The following SMARCA5 variants were observed in gnomAD, a reference collection of about 807,000 sequenced individuals.
SMARCA5 encodes SNF2 related chromatin remodeling ATPase 5, also known as SWI/SNF-related matrix-associated actin-dependent regulator of chromatin subfamily A member 5.
Under a neutral mutation model 140.4 loss-of-function variants are expected in SMARCA5, and 18 were observed. The ratio of observed to expected loss-of-function variants is 0.13; its 90% CI spans 0.09 to 0.19. SMARCA5 has a LOEUF of 0.19. Ranked by LOEUF, SMARCA5 falls within the 10% of genes least tolerant of loss-of-function variation. The pLI, the probability that SMARCA5 is intolerant of heterozygous loss-of-function variation, is 1.00. For missense variants in SMARCA5, 606 were observed against 1,276.8 expected, an observed-to-expected ratio of 0.47 and a Z score of 8.01; for synonymous variants, 449 against 419.6, an observed-to-expected ratio of 1.07 and a Z score of -0.86.
rs1325176230 is a variant in SMARCA5 at position 143,525,570 on chromosome 4, T to C, written c.621+19T>C. On this transcript the variant is annotated intron_variant, in intron 5 of 23. Coordinates refer to ENST00000283131, the MANE Select transcript of SMARCA5 (RefSeq NM_003601.4). ...TGAAATGGTATGTGTTGGTAGTTTT[T>C]TTTGAAGGGTATGTTTTGTATTGAA... 6.8e-7 allele frequency: 1 copy of C among 1,463,670 alleles called. No individual in the cohort carries two copies. Among genetic ancestry groups the C allele is most frequent in the African/African-American group, 1.4e-5 (1 of 72,128 alleles). The allele number at this position is 1,463,670 out of a possible 1,614,324, so 90.7% of individuals were successfully genotyped here. A position where few individuals can be genotyped will look rare whatever the true frequency, so the allele number is the denominator to read the frequency against.
chr4:143,521,453 G>A lies in SMARCA5; in HGVS notation c.277G>A (p.Glu93Lys). 6.2e-7 allele frequency: 1 copy of A among 1,606,510 alleles called. No homozygotes were observed. Among genetic ancestry groups the A allele is most frequent in the Non-Finnish European group, 8.5e-7 (1 of 1,176,572 alleles). The change falls in exon 3 of 24, where the codon GAG (glutamate) becomes AAG (lysine). Residue 93 changes from glutamate to lysine, a missense_variant. Coordinates refer to ENST00000283131, the MANE Select transcript of SMARCA5 (RefSeq NM_003601.4). ...GCAAACTGACCGGGCAAATAGATTC[G>A]AGTATTTATTAAAGCAGACAGAACT... ...KMQTDRANRF[E>K]YLLKQTELFA...
At chr4:143,540,194 CAG>C (rs1737401149) in intron 13 of SMARCA5, among the ~76,000 whole-genome samples, 167 bp from the exon 14 acceptor site, 1 of 152,148 alleles carries the variant, frequency 6.6e-6, no homozygotes, top group African/African-American at 2.4e-5. Flanking sequence ...TGTTTTATCT[CAG>C]TGTAACCTAG....
At chr4:143,547,530 A>G in intron 21 of SMARCA5, 27 bp downstream of exon 21, 3 of 1,174,326 alleles carry the variant, frequency 2.6e-6, no homozygotes, top group Non-Finnish European at 3.8e-6. Context: ...TAAGTTAGGT[A>G]GTTAATAAAA....
chr4:143,522,834 GA>G (rs1250964340), intron 3 of SMARCA5, among the ~76,000 whole-genome samples: 3 of 151,596 alleles, frequency 2.0e-5, no homozygotes. Flanking sequence ...TTTTTTATAA[GA>G]TAAAAAAGAT....
At chr4:143,525,389 T>C (rs1737048506) in intron 4 of SMARCA5, 62 bp from the exon 5 acceptor site, 8 of 986,894 alleles carry the variant, frequency 8.1e-6, no homozygotes, top group Non-Finnish European at 9.8e-6. Context: ...TAGGCTTAGA[T>C]GAAGAGATTG....
Position 143,517,284 on chromosome 4 carries a change from A to C in SMARCA5, c.178-71A>C, listed in dbSNP as rs189399004. 384 of 1,072,312 alleles carry C rather than the reference A, an allele frequency of 3.6e-4. 1 individual carries two copies. In the African/African-American group the frequency reaches 4.9e-3, roughly 14 times the overall value. The allele number at this position is 1,072,312 out of a possible 1,614,324, so 66.4% of individuals were successfully genotyped here. A position where few individuals can be genotyped will look rare whatever the true frequency, so the allele number is the denominator to read the frequency against. Reference sequence around the variant, plus strand: ...GTATTATTTAAGATGTGTTTTGGTCAGAAATTGGTCTATAATGGTATGTTT... The same window carrying C: ...GTATTATTTAAGATGTGTTTTGGTCCGAAATTGGTCTATAATGGTATGTTT... On this transcript the variant is annotated intron_variant, in intron 1 of 23. Transcript: ENST00000283131.
rs147220567 is a variant in SMARCA5, at chr4:143,545,035, C to T, written c.2283+188C>T. Among the ~76,000 whole-genome samples the T allele has an allele frequency of 8.1e-3, 1,220 of 151,176 alleles. 24 individuals are homozygous for T. The highest frequency in any genetic ancestry group is 0.028 in the African/African-American group (1,151 of 41,132). Reference sequence around the variant, plus strand: ...TCAGCTCACTGCAACCTCCGCCTCCCGGGTTCAAGCAATTCTCCTGCCTCA... The same window carrying T: ...TCAGCTCACTGCAACCTCCGCCTCCTGGGTTCAAGCAATTCTCCTGCCTCA... On this transcript the variant is annotated intron_variant, in intron 17 of 23. Transcript: ENST00000283131.
chr4:143,521,767 G>A (rs555576406), intron 3 of SMARCA5, among the ~76,000 whole-genome samples, 172 bp downstream of exon 3: 10 of 151,660 alleles, frequency 6.6e-5, no homozygotes, highest in East Asian at 5.8e-4. Context: ...ATAAAAATAC[G>A]CATAATGGTT....
At chr4:143,525,695 T>G (rs894009806) in intron 5 of SMARCA5, 144 bp downstream of exon 5, 9 of 563,108 alleles carry the variant, frequency 1.6e-5, no homozygotes, top group Admixed American at 1.3e-4. Context: ...GTTGCATAAG[T>G]GTGATCTGTA....
At chr4:143,552,876 T>TTG (rs1737671714) in intron 23 of SMARCA5, among the ~76,000 whole-genome samples, 1 of 152,004 alleles carries the variant, frequency 6.6e-6, no homozygotes, top group African/African-American at 2.4e-5. Flanking sequence ...CTACTGTTAA[T>TTG]TGTGCATTAG....
chr4:143,548,193 A>G, intron 22 of SMARCA5, 53 bp downstream of exon 22: 1 of 1,038,294 alleles, frequency 9.6e-7, no homozygotes, highest in Non-Finnish European at 1.4e-6. Flanking sequence ...AGTAAGTGTC[A>G]TCTTTGGTAT....
chr4:143,526,136 C>A, intron 5 of SMARCA5, 145 bp from the exon 6 acceptor site: 1 of 668,310 alleles, frequency 1.5e-6, no homozygotes. Flanking sequence ...CACTTACAAA[C>A]TTTGATATAT....
Position 143,554,958 on chromosome 4 carries a change from C to G in SMARCA5, c.*1774C>G, listed in dbSNP as rs1426787585. 4 of 401,066 alleles carry G rather than the reference C, an allele frequency of 1.0e-5. No individual in the cohort carries two copies. Among genetic ancestry groups the G allele is most frequent in the Non-Finnish European group, 1.9e-5 (4 of 212,172 alleles). The allele number at this position is 401,066 out of a possible 1,614,324, so 24.8% of individuals were successfully genotyped here. ...AAGGGAAACTCACTTGAAAAAAAAG[C>G]ATGAACCAGCTAGGCCCTGCCACCA... On this transcript the variant is annotated 3_prime_UTR_variant, in exon 24 of 24. Transcript: ENST00000283131.
At chr4:143,514,664 CG>C in intron 1 of SMARCA5, 1 of 152,564 alleles carries the variant, frequency 6.6e-6, no homozygotes. Context: ...TGGGGATAAG[CG>C]GGGCGCAGCT....
Position 143,528,020 on chromosome 4 carries a change from T to C in SMARCA5, c.954T>C (p.Ser318=), listed in dbSNP as rs746544168. Residue 318 remains serine, a synonymous_variant, in exon 7 of 24, where the codon TCT becomes TCC. Transcript: ENST00000283131. ...CTCACAGGATCAAAAATGAAAAATC[T>C]AAGGTAATTTGATACTTAGATGTGA... ...DEAHRIKNEK[S]KLSEIVREFK... The C allele has an allele frequency of 4.5e-6, 7 of 1,559,370 alleles. No individual in the cohort carries two copies. The highest frequency in any genetic ancestry group is 6.0e-6 in the Non-Finnish European group (7 of 1,161,302).
chr4:143,552,493 T>G (rs990307455), intron 23 of SMARCA5, among the ~76,000 whole-genome samples: 4 of 152,064 alleles, frequency 2.6e-5, no homozygotes, highest in Non-Finnish European at 4.4e-5. Flanking sequence ...GATATGGTAG[T>G]CCTTAATATG....
chr4:143,544,682 A>G (rs1737487946), intron 16 of SMARCA5, 55 bp from the exon 17 acceptor site: 2 of 946,956 alleles, frequency 2.1e-6, no homozygotes, highest in Admixed American at 2.0e-5. Flanking sequence ...CTTGATGATG[A>G]TTTGTTACTG....
Position 143,517,361 on chromosome 4 carries a change from T to C in SMARCA5, c.184T>C (p.Phe62Leu). 6.2e-7 allele frequency: 1 copy of C among 1,604,888 alleles called. No homozygotes were observed. The highest frequency in any genetic ancestry group is 8.5e-7 in the Non-Finnish European group (1 of 1,175,288). ...GPADAEMEEI[F>L]DDASPGKQKE... ...AATTATTTCTTTCTACCAGGAAATATTTGATGATGCGTCACCTGGAAAGCA... is the reference window on the plus strand; with the variant it reads ...AATTATTTCTTTCTACCAGGAAATACTTGATGATGCGTCACCTGGAAAGCA... The change falls in exon 2 of 24, where the codon TTT (phenylalanine) becomes CTT (leucine). Residue 62 changes from phenylalanine to leucine, a missense_variant. Physicochemically the swap from Phe to Leu is conservative, Grantham distance 22. Transcript: ENST00000283131.
At chr4:143,535,828 A>G (rs1336939604) in intron 10 of SMARCA5, among the ~76,000 whole-genome samples, 6 of 152,144 alleles carry the variant, frequency 3.9e-5, no homozygotes, top group Non-Finnish European at 8.8e-5. Flanking sequence ...TTTCATAACA[A>G]TGTCTACATC....
Sources: allele counts gnomAD v4.1 joint callset (sites outside exome capture counted in the v4.1 genomes callset), GRCh38; gene constraint gnomAD v4.1.1; transcripts MANE v1.5; gene names NCBI Gene and HGNC (gene_info 2026-07-23, HGNC 2026-07-21).